The following DOK7 variants were observed in gnomAD, a reference collection of about 807,000 sequenced individuals.
DOK7 encodes the protein protein Dok-7.
DOK7 carries 32 observed loss-of-function variants against 30.7 expected under a neutral mutation model. The observed-to-expected ratio is 1.04, with a 90% CI of 0.79 to 1.40. DOK7 has a LOEUF of 1.40. DOK7 is among the 40% of genes most tolerant of loss of function. DOK7 has a pLI of 0.00. For synonymous variants in DOK7, 447 were observed against 324.1 expected (o/e 1.38, Z -4.07); for missense variants, 1,007 against 699.2 (o/e 1.44, Z -4.97).
intron 2 of DOK7, among the ~76,000 whole-genome samples, chr4:3,466,487 G>A (rs1012584171): frequency 1.3e-5 from 2 of 152,224 alleles, no homozygotes; most frequent in Non-Finnish European, 2.9e-5. Context: ...GAGCCTCCTG[G>A]TGGTGGATTT....
chr4:3,472,036 G>A lies in DOK7; in HGVS notation c.101-1370G>A, dbSNP rs577688715. 3.3e-5 allele frequency among the ~76,000 whole-genome samples: 5 copies of A among 152,384 alleles called. No homozygotes were observed. The East Asian group carries it at 9.6e-4, about 29-fold the overall frequency. ...GCAGCAAGGGTGGCGGTGCTGAGTA[G>A]TGGCCGCAGAGCCTGTGTGGCCCTG... On this transcript the variant is annotated intron_variant, in intron 2 of 6. Coordinates refer to ENST00000340083, the MANE Select transcript of DOK7 (RefSeq NM_173660.5).
Position 3,493,715 on chromosome 4 carries a change from G to C in DOK7, c.*214G>C, listed in dbSNP as rs1490743095. 4 of 1,432,038 alleles carry C rather than the reference G, an allele frequency of 2.8e-6. No individual in the cohort carries two copies. In the East Asian group the frequency reaches 1.0e-4, roughly 36 times the overall value. The allele number at this position is 1,432,038 out of a possible 1,614,324, so 88.7% of individuals were successfully genotyped here. On this transcript the variant is annotated 3_prime_UTR_variant, in exon 7 of 7. Coordinates refer to ENST00000340083, the MANE Select transcript of DOK7 (RefSeq NM_173660.5). ...TGAGTTCTGGAAGGCAGGGGCTCTG[G>C]GTCCGGCAGGTCGGGGTCACCAGAG... is the stretch of plus-strand genomic sequence containing the variant.
At chr4:3,492,323 G>A (rs1006151584) in intron 6 of DOK7, among the ~76,000 whole-genome samples, 1 of 152,026 alleles carries the variant, frequency 6.6e-6, no homozygotes, top group Non-Finnish European at 1.5e-5. Flanking sequence ...GGCCTGGGAA[G>A]TTCTTGGGGA....
chr4:3,498,273 G>A (rs138717783), downstream of DOK7, among the ~76,000 whole-genome samples: 411 of 152,316 alleles, frequency 2.7e-3, 1 homozygote, highest in African/African-American at 9.5e-3. Context: ...GAGCACTGAG[G>A]GCCCTGGAGC....
chr4:3,479,353 C>A (rs985697967), intron 4 of DOK7, among the ~76,000 whole-genome samples: 2 of 152,240 alleles, frequency 1.3e-5, no homozygotes, highest in African/African-American at 2.4e-5. Context: ...TGTTCACAGG[C>A]CCTGGTATGT....
At position 3,494,114 on chromosome 4, in the gene DOK7, C is replaced by T. The variant is rs1171490602; in HGVS notation, c.*613C>T. The T allele has an allele frequency of 1.0e-6, 1 of 985,748 alleles. No homozygotes were observed. The highest frequency in any genetic ancestry group is 1.2e-6 in the Non-Finnish European group (1 of 830,270). 61.1% of individuals were successfully genotyped at this position (985,748 alleles called of 1,614,324 possible). A position where few individuals can be genotyped will look rare whatever the true frequency, so the allele number is the denominator to read the frequency against. The stretch of plus-strand genomic sequence containing the variant: ...GGCCCCACTGTTCCCCAGTGAAGCC[C>T]TTGTGGGAAGGTTCCGGGAGCAGGT... On this transcript the variant is annotated 3_prime_UTR_variant, in exon 7 of 7. Transcript: ENST00000340083.
intron 6 of DOK7, among the ~76,000 whole-genome samples, chr4:3,492,490 A>T (rs1302031778): frequency 6.6e-6 from 1 of 151,580 alleles, no homozygotes; most frequent in Non-Finnish European, 1.5e-5. Flanking sequence ...GGACCAAGGT[A>T]GTGGCAGGGG....
rs1260008014 is a variant in DOK7 at position 3,493,683 on chromosome 4, G to C, written c.*182G>C. On this transcript the variant is annotated 3_prime_UTR_variant, in exon 7 of 7. Transcript: ENST00000340083. ...TGCCACCGGAGGAAGGGGCTGACTTGGGGAGGTGAGTTCTGGAAGGCAGGG... is the reference window on the plus strand; with the variant it reads ...TGCCACCGGAGGAAGGGGCTGACTTCGGGAGGTGAGTTCTGGAAGGCAGGG... The C allele has an allele frequency of 1.4e-6, 2 of 1,445,196 alleles. No homozygotes were observed. The highest frequency in any genetic ancestry group is 1.8e-6 in the Non-Finnish European group (2 of 1,100,230). The allele number at this position is 1,445,196 out of a possible 1,614,324, so 89.5% of individuals were successfully genotyped here. A position where few individuals can be genotyped will look rare whatever the true frequency, so the allele number is the denominator to read the frequency against.
At chr4:3,464,923 A>G (rs1394252387) in intron 2 of DOK7, among the ~76,000 whole-genome samples, 4 of 152,186 alleles carry the variant, frequency 2.6e-5, no homozygotes, top group Non-Finnish European at 5.9e-5. Context: ...GTAGGTGAAC[A>G]TGGTGGCTCC....
At chr4:3,489,867 C>G (rs1728086583) in intron 6 of DOK7, 71 bp downstream of exon 6, 1 of 1,533,862 alleles carries the variant, frequency 6.5e-7, no homozygotes, top group Non-Finnish European at 8.8e-7. Context: ...AGGAGGCATC[C>G]ATGCATGTGT....
intron 4 of DOK7, among the ~76,000 whole-genome samples, chr4:3,477,722 G>A (rs1462590834): frequency 6.6e-6 from 1 of 152,184 alleles, no homozygotes; most frequent in African/African-American, 2.4e-5. Flanking sequence ...CGGCCCCTGG[G>A]GCTGGCAGGG....
chr4:3,473,687 G>A (rs530696158), intron 3 of DOK7, 51 bp downstream of exon 3: 33 of 1,486,014 alleles, frequency 2.2e-5, no homozygotes, highest in Middle Eastern at 2.4e-4. Flanking sequence ...CAGGTGTGCC[G>A]GGGCCCCTCA....
chr4:3,484,255 C>T (rs956141420), intron 4 of DOK7, among the ~76,000 whole-genome samples: 6 of 152,292 alleles, frequency 3.9e-5, no homozygotes, highest in South Asian at 4.1e-4. Context: ...CTCGTGTGCC[C>T]GGGGTGGCTG....
rs1560235258 is a variant in DOK7, at chr4:3,493,625, C to CGGAGAGGGGAGCTGGAG, written c.*127_*143dup. On this transcript the variant is annotated 3_prime_UTR_variant, in exon 7 of 7. Transcript: ENST00000340083. ...TCTGTGGGAGGGACCGGGGGTCTCC[C>CGGAGAGGGGAGCTGGAG]GGAGAGGGGAGCTGGAGGGCGCGCC... The CGGAGAGGGGAGCTGGAG allele has an allele frequency of 6.7e-7, 1 of 1,492,814 alleles. No homozygotes were observed. Among genetic ancestry groups the CGGAGAGGGGAGCTGGAG allele is most frequent in the Non-Finnish European group, 8.9e-7 (1 of 1,118,660 alleles). The allele number at this position is 1,492,814 out of a possible 1,614,324, so 92.5% of individuals were successfully genotyped here. A position where few individuals can be genotyped will look rare whatever the true frequency, so the allele number is the denominator to read the frequency against.
chr4:3,469,404 A>G (rs1200189897), intron 2 of DOK7, among the ~76,000 whole-genome samples: 3 of 150,828 alleles, frequency 2.0e-5, no homozygotes, highest in African/African-American at 4.8e-5. Flanking sequence ...GTTGCAGCCA[A>G]TGCCCGCAGC....
downstream of DOK7, among the ~76,000 whole-genome samples, chr4:3,497,835 G>A (rs1728998186): frequency 6.6e-6 from 1 of 152,176 alleles, no homozygotes; most frequent in Non-Finnish European, 1.5e-5. Flanking sequence ...CTGCAGTCCA[G>A]TGTGCTGAGG....
intron 7 of DOK7, chr4:3,500,552 C>T: frequency 6.7e-7 from 1 of 1,483,288 alleles, no homozygotes; most frequent in South Asian, 1.3e-5. Flanking sequence ...CCAACTCCAT[C>T]CCTGGCCAGG....
intron 6 of DOK7, among the ~76,000 whole-genome samples, chr4:3,490,854 CCACT>C (rs1728324590): frequency 9.8e-6 from 1 of 101,994 alleles, no homozygotes; most frequent in South Asian, 3.9e-4. Context: ...TCCTTCCCCC[CCACT>C]CATTTCATTC....
downstream of DOK7, among the ~76,000 whole-genome samples, chr4:3,499,242 C>T (rs2109443027): frequency 6.6e-6 from 1 of 152,292 alleles, no homozygotes; most frequent in South Asian, 2.1e-4. Context: ...CGCTGGATCC[C>T]AGCCCCCACC....
Sources: allele counts gnomAD v4.1 joint callset (sites outside exome capture counted in the v4.1 genomes callset), GRCh38; gene constraint gnomAD v4.1.1; transcripts MANE v1.5; gene names NCBI Gene and HGNC (gene_info 2026-07-23, HGNC 2026-07-21).